TBL3: variants seen among roughly 807,000 people sequenced by gnomAD.
TBL3 encodes transducin beta like 3.
A neutral mutation model predicts 102.7 loss-of-function variants in TBL3; 71 were observed. That is an observed-to-expected ratio of 0.69 (90% confidence interval 0.57 to 0.84). TBL3 has a LOEUF of 0.84. Ranked by LOEUF, TBL3 falls within the 40% of genes least tolerant of loss-of-function variation. The pLI, the probability that TBL3 is intolerant of heterozygous loss-of-function variation, is 0.00. For missense variants in TBL3, 1,188 were observed against 1,098.5 expected, an observed-to-expected ratio of 1.08 and a Z score of -1.15; for synonymous variants, 578 against 477.7, an observed-to-expected ratio of 1.21 and a Z score of -2.74.
rs753691407 is a variant in TBL3, at chr16:1,977,792, G to A, written c.1950G>A (p.Gln650=). Residue 650 remains glutamine, a synonymous_variant, in exon 18 of 22, where the codon CAG becomes CAA. Transcript: ENST00000568546. ...AGGAGCAGGCCAGGCAAGAGGAGCA[G>A]GTGGTCAGGTAAGGCCAGGGCAGTG... is the stretch of plus-strand genomic sequence containing the variant. ...QAEEQARQEE[Q]VVRQQELDNL... is the part of the protein sequence containing the mutation. 1 of 1,556,484 alleles carries A rather than the reference G, an allele frequency of 6.4e-7. No individual in the cohort carries two copies. Among genetic ancestry groups the A allele is most frequent in the Non-Finnish European group, 8.7e-7 (1 of 1,149,682 alleles).
intron 19 of TBL3, 43 bp from the exon 20 acceptor site, chr16:1,978,106 C>T (rs2150885451): frequency 6.2e-7 from 1 of 1,610,746 alleles, no homozygotes; most frequent in Non-Finnish European, 8.5e-7. Flanking sequence ...CTTCGGACCA[C>T]TGGGCTCTGC....
In TBL3 at chr16:1,974,311, G is replaced by T; in HGVS notation, c.189+19G>T. ...GGAGCAGGTGAGGGCAGCCTGGGTG[G>T]GTGAGGGGCAAGTGGAGAGGGCAGC... On this transcript the variant is annotated intron_variant, in intron 3 of 21. Transcript: ENST00000568546. 1 of 1,583,284 alleles carries T rather than the reference G, an allele frequency of 6.3e-7. No homozygotes were observed. The highest frequency in any genetic ancestry group is 1.3e-5 in the African/African-American group (1 of 74,386).
chr16:1,973,703 T>C lies in TBL3; in HGVS notation c.42-353T>C, dbSNP rs112544386. ...CTGGGAGGATGTGCTCTGGGCTGGC[T>C]ACCCAGGCCTGGCCACCCACCGCCG... is the stretch of plus-strand genomic sequence containing the variant. On this transcript the variant is annotated intron_variant, in intron 1 of 21. Transcript: ENST00000568546. Among the ~76,000 whole-genome samples the C allele has an allele frequency of 6.8e-3, 1,036 of 152,180 alleles. 25 individuals carry two copies. The highest frequency in any genetic ancestry group is 0.024 in the African/African-American group (1,003 of 41,516).
Position 1,978,964 on chromosome 16 carries a change from C to T in TBL3, c.*279C>T. 2 of 1,309,084 alleles carry T rather than the reference C, an allele frequency of 1.5e-6. No individual in the cohort carries two copies. Among genetic ancestry groups the T allele is most frequent in the Admixed American group, 5.4e-5 (2 of 37,366 alleles). The allele number at this position is 1,309,084 out of a possible 1,614,324, so 81.1% of individuals were successfully genotyped here. A position where few individuals can be genotyped will look rare whatever the true frequency, so the allele number is the denominator to read the frequency against. ...AGAGGAACAGCAAATGGCCCCCTCC[C>T]ATCCCTGCTGGCCAGGGAGATCCGC... On this transcript the variant is annotated 3_prime_UTR_variant, in exon 22 of 22. Transcript: ENST00000568546.
chr16:1,980,406 G>C lies in TBL3; in HGVS notation c.*1721G>C. The C allele has an allele frequency of 6.2e-7, 1 of 1,602,972 alleles. No individual in the cohort carries two copies. ...CGCGGGCTCCAGGTCCAGGGGTTGCGGTGCGAAGAAGCCAGTGATCGTCGG... is the reference window on the plus strand; with the variant it reads ...CGCGGGCTCCAGGTCCAGGGGTTGCCGTGCGAAGAAGCCAGTGATCGTCGG... On this transcript the variant is annotated 3_prime_UTR_variant, in exon 22 of 22. Transcript: ENST00000568546.
rs374290560 is a variant in TBL3 at position 1,980,018 on chromosome 16, C to G, written c.*1333C>G. The G allele has an allele frequency of 5.0e-6, 8 of 1,605,728 alleles. No individual in the cohort carries two copies. In the African/African-American group the frequency reaches 9.3e-5, roughly 19 times the overall value. On this transcript the variant is annotated 3_prime_UTR_variant, in exon 22 of 22. Coordinates refer to ENST00000568546, the MANE Select transcript of TBL3 (RefSeq NM_006453.3). ...CTACCTGAGGGGTGCCGCAGCAGCA[C>G]GTCCAGGCTCTCCTGGGCCTGCGCC...
At position 1,979,487 on chromosome 16, in the gene TBL3, G is replaced by C. The variant is rs778501814; in HGVS notation, c.*802G>C. The C allele has an allele frequency of 6.8e-6, 11 of 1,612,030 alleles. No homozygotes were observed. The South Asian group carries it at 8.8e-5, about 13-fold the overall frequency. On this transcript the variant is annotated 3_prime_UTR_variant, in exon 22 of 22. Coordinates refer to ENST00000568546, the MANE Select transcript of TBL3 (RefSeq NM_006453.3). Reference sequence around the variant, plus strand: ...CGCGCACGCGCGCCCCCGCGGGCACGGACAGCTCATCTGCGCGGCTGCTCT... The same window carrying C: ...CGCGCACGCGCGCCCCCGCGGGCACCGACAGCTCATCTGCGCGGCTGCTCT...
At position 1,979,610 on chromosome 16, in the gene TBL3, C is replaced by T; in HGVS notation, c.*925C>T. The T allele has an allele frequency of 7.1e-7, 1 of 1,418,370 alleles. No individual in the cohort carries two copies. Among genetic ancestry groups the T allele is most frequent in the Non-Finnish European group, 9.8e-7 (1 of 1,021,272 alleles). 87.9% of individuals were successfully genotyped at this position (1,418,370 alleles called of 1,614,324 possible). Reference sequence around the variant, plus strand: ...GACGAGGCCCGCCCGCACCCTTCTCCACATTCTCCTTGCTTGAGTCTGCTG... The same window carrying T: ...GACGAGGCCCGCCCGCACCCTTCTCTACATTCTCCTTGCTTGAGTCTGCTG... On this transcript the variant is annotated 3_prime_UTR_variant, in exon 22 of 22. Transcript: ENST00000568546.
chr16:1,974,493 G>A (rs774060826), intron 4 of TBL3, 45 bp from the exon 5 acceptor site: 1 of 1,586,900 alleles, frequency 6.3e-7, no homozygotes, highest in Admixed American at 1.7e-5. Flanking sequence ...AGGAAGATGT[G>A]AGCAGGGTAT....
At position 1,977,600 on chromosome 16, in the gene TBL3, GGCTGCACTGCA is replaced by G; in HGVS notation, c.1832_1842del (p.Leu611ProfsTer12). ...GATGCCCACGAGGACAAGGTCTGGG[GGCTGCACTGCA>G]GCCGGCTGGACGACCACGCCCTCAC... On this transcript the variant is annotated frameshift_variant, in exon 17 of 22. Transcript: ENST00000568546. LOFTEE classifies it high-confidence loss of function. The G allele has an allele frequency of 6.4e-7, 1 of 1,568,014 alleles. No homozygotes were observed. Among genetic ancestry groups the G allele is most frequent in the Non-Finnish European group, 8.7e-7 (1 of 1,155,518 alleles).
chr16:1,975,994 C>T (rs377367081), intron 11 of TBL3, 45 bp downstream of exon 11: 81 of 1,613,944 alleles, frequency 5.0e-5, no homozygotes, highest in Non-Finnish European at 6.5e-5. Context: ...CCGCCTCGGT[C>T]CCTTGCTTGC....
Position 1,980,051 on chromosome 16 carries a change from G to T in TBL3, c.*1366G>T. On this transcript the variant is annotated 3_prime_UTR_variant, in exon 22 of 22. Coordinates refer to ENST00000568546, the MANE Select transcript of TBL3 (RefSeq NM_006453.3). ...CTCTCCTGGGCCTGCGCCTGAAAAGGCCTATCCCGCGTGTCCTGGGTACAG... is the reference window on the plus strand; with the variant it reads ...CTCTCCTGGGCCTGCGCCTGAAAAGTCCTATCCCGCGTGTCCTGGGTACAG... The T allele has an allele frequency of 1.2e-6, 2 of 1,606,932 alleles. No homozygotes were observed. Among genetic ancestry groups the T allele is most frequent in the South Asian group, 1.1e-5 (1 of 89,972 alleles).
Position 1,980,972 on chromosome 16 carries a change from C to T in TBL3, c.*2287C>T. 6.2e-7 allele frequency: 1 copy of T among 1,613,196 alleles called. No homozygotes were observed. Among genetic ancestry groups the T allele is most frequent in the Non-Finnish European group, 8.5e-7 (1 of 1,180,022 alleles). ...GCCTGAATTCGTCCCAACTCCTGCG[C>T]ACGAAGGTGTCGCTGCCGTCTGACC... is the stretch of plus-strand genomic sequence containing the variant. On this transcript the variant is annotated 3_prime_UTR_variant, in exon 22 of 22. Transcript: ENST00000568546.
rs773952750 is a variant in TBL3, at chr16:1,974,122, A to G, written c.93+15A>G. 1 of 1,583,854 alleles carries G rather than the reference A, an allele frequency of 6.3e-7. No individual in the cohort carries two copies. Among genetic ancestry groups the G allele is most frequent in the East Asian group, 2.3e-5 (1 of 44,228 alleles). On this transcript the variant is annotated intron_variant, in intron 2 of 21. Transcript: ENST00000568546. ...GAAAAGCACAGGTACCAGCCTGGGG[A>G]AGGGCAGTGGGGCGGGCAGCCAGAG...
Position 1,978,891 on chromosome 16 carries a change from G to C in TBL3, c.*206G>C, listed in dbSNP as rs2083431894. On this transcript the variant is annotated 3_prime_UTR_variant, in exon 22 of 22. Transcript: ENST00000568546. ...CTGGCCTGGCAGAGATCCAGCCCGC[G>C]GCTCCGCACGCTTAGACGGTGGGGG... 1 of 1,066,844 alleles carries C rather than the reference G, an allele frequency of 9.4e-7. No homozygotes were observed. Among genetic ancestry groups the C allele is most frequent in the Non-Finnish European group, 1.3e-6 (1 of 751,336 alleles). 66.1% of individuals were successfully genotyped at this position (1,066,844 alleles called of 1,614,324 possible). A position where few individuals can be genotyped will look rare whatever the true frequency, so the allele number is the denominator to read the frequency against.
rs2083414142 is a variant in TBL3, at chr16:1,977,586, G to A, written c.1815G>A (p.Glu605=). The change falls in exon 17 of 22, where the codon GAG becomes GAA. Residue 605 remains glutamate (E), a synonymous_variant. Coordinates refer to ENST00000568546, the MANE Select transcript of TBL3 (RefSeq NM_006453.3). ...NECVRTLDAH[E]DKVWGLHCSR... is the part of the protein sequence containing the mutation. The stretch of plus-strand genomic sequence containing the variant: ...GTGTGCGGACGCTGGATGCCCACGA[G>A]GACAAGGTCTGGGGGCTGCACTGCA... 1.3e-6 allele frequency: 2 copies of A among 1,576,702 alleles called. No individual in the cohort carries two copies. Among genetic ancestry groups the A allele is most frequent in the Non-Finnish European group, 1.7e-6 (2 of 1,160,198 alleles).
chr16:1,975,403 C>A lies in TBL3; in HGVS notation c.770C>A (p.Ser257Tyr). Residue 257 changes from serine (S) to tyrosine (Y), a missense_variant, in exon 9 of 22, where the codon TCC (serine) becomes TAC (tyrosine). Physicochemically the swap from Ser to Tyr is moderately radical, Grantham distance 144 (BLOSUM62 -2). Coordinates refer to ENST00000568546, the MANE Select transcript of TBL3 (RefSeq NM_006453.3). Reference sequence around the variant, plus strand: ...CCAGTGTCCCAGCTGGGTGTGAAGTCCCCAGGGCTGTACTTTCTGACAGCT... The same window carrying A: ...CCAGTGTCCCAGCTGGGTGTGAAGTACCCAGGGCTGTACTTTCTGACAGCT... ...EEPVSQLGVK[S>Y]PGLYFLTAGD... 1.2e-6 allele frequency: 2 copies of A among 1,613,936 alleles called. No homozygotes were observed. Among genetic ancestry groups the A allele is most frequent in the South Asian group, 1.1e-5 (1 of 91,078 alleles).
At position 1,981,052 on chromosome 16, in the gene TBL3, G is replaced by A; in HGVS notation, c.*2367G>A. On this transcript the variant is annotated 3_prime_UTR_variant, in exon 22 of 22. Coordinates refer to ENST00000568546, the MANE Select transcript of TBL3 (RefSeq NM_006453.3). ...ACAAAAAGTTGGGAGTGCCGTGGAG[G>A]TGCTGGTCCAGGCACCCCCTTCCTA... 1 of 1,611,140 alleles carries A rather than the reference G, an allele frequency of 6.2e-7. No homozygotes were observed. The highest frequency in any genetic ancestry group is 8.5e-7 in the Non-Finnish European group (1 of 1,177,940).
At position 1,979,422 on chromosome 16, in the gene TBL3, T is replaced by A. The variant is rs765079087; in HGVS notation, c.*737T>A. 9 of 1,607,426 alleles carry A rather than the reference T, an allele frequency of 5.6e-6. No individual in the cohort carries two copies. In the South Asian group the frequency reaches 6.6e-5, roughly 12 times the overall value. On this transcript the variant is annotated 3_prime_UTR_variant, in exon 22 of 22. Coordinates refer to ENST00000568546, the MANE Select transcript of TBL3 (RefSeq NM_006453.3). ...TGCCCTGCCCACGCCCGCTCCCGCG[T>A]ACCTGCATAGCCACCAGCCGCGGTC...
Sources: allele counts gnomAD v4.1 joint callset (sites outside exome capture counted in the v4.1 genomes callset), GRCh38; gene constraint gnomAD v4.1.1; transcripts MANE v1.5; gene names NCBI Gene and HGNC (gene_info 2026-07-23, HGNC 2026-07-21).